HFM1: variants seen among roughly 807,000 people sequenced by gnomAD.
The protein encoded by HFM1 is probable ATP-dependent DNA helicase HFM1.
Under a neutral mutation model 192.1 loss-of-function variants are expected in HFM1, and 169 were observed. That is an observed-to-expected ratio of 0.88 (90% CI 0.78 to 1.00). HFM1 has a LOEUF of 1.00. HFM1 is among the 50% of genes least tolerant of loss of function. HFM1 has a pLI of 0.00. For missense variants in HFM1, 1,661 were observed against 1,668.0 expected, an observed-to-expected ratio of 1.00 and a Z score of 0.07; for synonymous variants, 525 against 537.8, an observed-to-expected ratio of 0.98 and a Z score of 0.33.
intron 16 of HFM1, among the ~76,000 whole-genome samples, chr1:91,351,944 G>C (rs1353911944): frequency 6.6e-6 from 1 of 151,834 alleles, no homozygotes; most frequent in African/African-American, 2.4e-5. Flanking sequence ...CATATAATCT[G>C]ATTTACTCTA....
chr1:91,288,338 AAG>A (rs1334139478), intron 30 of HFM1, among the ~76,000 whole-genome samples: 7 of 151,800 alleles, frequency 4.6e-5, no homozygotes, highest in Non-Finnish European at 5.9e-5. Context: ...TACAAGCCAG[AAG>A]AGAGTGGGGG....
At chr1:91,360,543 A>G (rs1335868927) in intron 13 of HFM1, among the ~76,000 whole-genome samples, 1 of 151,990 alleles carries the variant, frequency 6.6e-6, no homozygotes, top group Non-Finnish European at 1.5e-5. Context: ...CAGATTCATA[A>G]AGCAAGTTCT....
intron 4 of HFM1, among the ~76,000 whole-genome samples, chr1:91,389,947 T>C (rs1662734298): frequency 6.6e-6 from 1 of 152,200 alleles, no homozygotes; most frequent in African/African-American, 2.4e-5. Flanking sequence ...AGTTACCATA[T>C]GACCCAGCAA....
intron 13 of HFM1, among the ~76,000 whole-genome samples, chr1:91,354,089 T>A (rs1467843674): frequency 6.6e-6 from 1 of 151,772 alleles, no homozygotes; most frequent in Non-Finnish European, 1.5e-5. Flanking sequence ...AGAATACAGA[T>A]AGACAGGTCA....
At chr1:91,289,743 C>A (rs1668500243) in intron 30 of HFM1, among the ~76,000 whole-genome samples, 1 of 152,118 alleles carries the variant, frequency 6.6e-6, no homozygotes, top group South Asian at 2.1e-4. Context: ...CGCCTGCATC[C>A]CAGGCACTCG....
chr1:91,302,007 A>G (rs1470842074), intron 30 of HFM1, among the ~76,000 whole-genome samples: 1 of 79,300 alleles, frequency 1.3e-5, no homozygotes, highest in Admixed American at 1.5e-4. Context: ...ACAGAATGGG[A>G]GAAAATTTTT....
At chr1:91,348,172 CAT>C (rs1276070517) in intron 18 of HFM1, among the ~76,000 whole-genome samples, 1 of 151,986 alleles carries the variant, frequency 6.6e-6, no homozygotes, top group Non-Finnish European at 1.5e-5. Context: ...CTCTACACCT[CAT>C]ATTTGTGCAG....
chr1:91,268,583 G>A (rs1371169772), intron 34 of HFM1, among the ~76,000 whole-genome samples: 2 of 151,940 alleles, frequency 1.3e-5, no homozygotes, highest in Non-Finnish European at 2.9e-5. Context: ...ACACAGTATT[G>A]TGCTAATAAA....
intron 13 of HFM1, among the ~76,000 whole-genome samples, chr1:91,360,009 CT>C (rs1344501459): frequency 1.2e-4 from 18 of 152,170 alleles, no homozygotes; most frequent in African/African-American, 4.3e-4. Context: ...AATTTCCTAT[CT>C]GGCCAAACAA....
At chr1:91,288,138 A>G (rs914587541) in intron 30 of HFM1, among the ~76,000 whole-genome samples, 1 of 151,122 alleles carries the variant, frequency 6.6e-6, no homozygotes, top group African/African-American at 2.4e-5. Flanking sequence ...GCAGGCCAAC[A>G]TTCAGATTCA....
intron 20 of HFM1, among the ~76,000 whole-genome samples, chr1:91,340,973 T>C (rs908507432): frequency 3.3e-5 from 5 of 152,132 alleles, no homozygotes; most frequent in African/African-American, 4.8e-5. Flanking sequence ...CAAAGAGACT[T>C]AGATACCTAC....
chr1:91,288,366 CTTTTT>C (rs35536576), intron 30 of HFM1, among the ~76,000 whole-genome samples: 2 of 134,310 alleles, frequency 1.5e-5, no homozygotes, highest in Non-Finnish European at 1.6e-5. Context: ...ATTCAACATT[CTTTTT>C]TTTTTTTTTT....
chr1:91,378,326 T>C (rs1007188257), intron 10 of HFM1, 77 bp downstream of exon 10: 3 of 1,318,382 alleles, frequency 2.3e-6, no homozygotes, highest in Non-Finnish European at 2.2e-6. Flanking sequence ...TATAGTTTGG[T>C]TGCAATGTCT....
At chr1:91,292,009 T>C (rs1344715255) in intron 30 of HFM1, among the ~76,000 whole-genome samples, 1 of 152,288 alleles carries the variant, frequency 6.6e-6, no homozygotes, top group East Asian at 1.9e-4. Flanking sequence ...CAACACTTCA[T>C]GCTAAAAACT....
At chr1:91,380,848 C>T in intron 7 of HFM1, 64 bp downstream of exon 7, 1 of 794,016 alleles carries the variant, frequency 1.3e-6, no homozygotes, top group Non-Finnish European at 2.2e-6. Flanking sequence ...TCCCAGCTGT[C>T]CCAATCTAGT....
In HFM1 at chr1:91,387,129, T is replaced by C. The variant is rs569209011; in HGVS notation, c.495-1295A>G. On this transcript the variant is annotated intron_variant, in intron 4 of 38. Coordinates refer to ENST00000370425, the MANE Select transcript of HFM1 (RefSeq NM_001017975.6). ...AATAAAACATTCACATCTTATAGAA[T>C]AAGTAATGGAGATGACTTATCCATT... Among the ~76,000 whole-genome samples, 42 of 152,320 alleles carry C rather than the reference T, an allele frequency of 2.8e-4. No individual in the cohort carries two copies. The East Asian group carries it at 8.1e-3, about 29-fold the overall frequency.
At chr1:91,399,300 TAGAG>T (rs930267751) in intron 2 of HFM1, among the ~76,000 whole-genome samples, 9 of 152,092 alleles carry the variant, frequency 5.9e-5, no homozygotes, top group Admixed American at 4.6e-4. Context: ...AGATAGATAA[TAGAG>T]AGAAACAGAT....
chr1:91,381,910 T>C (rs1387944115), intron 6 of HFM1, among the ~76,000 whole-genome samples: 1 of 152,180 alleles, frequency 6.6e-6, no homozygotes, highest in Admixed American at 6.6e-5. Flanking sequence ...TACATCATAT[T>C]ACTTCTCTGA....
upstream of HFM1, among the ~76,000 whole-genome samples, chr1:91,407,115 CA>C (rs1160852245): frequency 6.6e-6 from 1 of 152,128 alleles, no homozygotes; most frequent in African/African-American, 2.4e-5. Flanking sequence ...GTATAACCAT[CA>C]CTCTTATCCA....
Sources: gnomAD v4.1 joint callset for allele counts (sites outside exome capture counted in the v4.1 genomes callset) on GRCh38, gnomAD v4.1.1 for gene constraint, MANE v1.5 for transcripts, NCBI Gene and HGNC (gene_info 2026-07-23, HGNC 2026-07-21) for gene names.